SHROOM3: variants seen among roughly 807,000 people sequenced by gnomAD.
SHROOM3 encodes the protein protein Shroom3.
A neutral mutation model predicts 138.6 loss-of-function variants in SHROOM3; 47 were observed. The observed-to-expected ratio is 0.34, with a 90% CI of 0.27 to 0.43. The LOEUF (loss-of-function observed/expected upper bound fraction) is 0.43, where lower values mean the gene tolerates loss of function less well. Ranked by LOEUF, SHROOM3 falls within the 20% of genes least tolerant of loss-of-function variation. The probability of loss-of-function intolerance (pLI) is 1.00; values close to 1 mark genes in which losing one functional copy is unlikely to be tolerated. For synonymous variants in SHROOM3, 1,062 were observed against 1,063.3 expected, an observed-to-expected ratio of 1.00 and a Z score of 0.02; for missense variants, 2,491 against 2,596.5, an observed-to-expected ratio of 0.96 and a Z score of 0.88.
chr4:76,752,990 G>C (rs1721680153), intron 6 of SHROOM3, among the ~76,000 whole-genome samples: 1 of 152,220 alleles, frequency 6.6e-6, no homozygotes, highest in South Asian at 2.1e-4. Context: ...CTGGAGAGCA[G>C]CTGGGCAAAG....
chr4:76,579,597 G>T (rs1277333047), intron 2 of SHROOM3, among the ~76,000 whole-genome samples: 2 of 152,230 alleles, frequency 1.3e-5, no homozygotes, highest in African/African-American at 4.8e-5. Flanking sequence ...GAAGTCAGAC[G>T]ATCTGGCAGC....
At chr4:76,469,527 G>C (rs1366218143) in intron 1 of SHROOM3, among the ~76,000 whole-genome samples, 1 of 151,988 alleles carries the variant, frequency 6.6e-6, no homozygotes, top group African/African-American at 2.4e-5. Flanking sequence ...CGCAATCTCA[G>C]CTCACTGCAA....
chr4:76,592,714 T>C (rs1734299633), intron 2 of SHROOM3, among the ~76,000 whole-genome samples: 1 of 152,204 alleles, frequency 6.6e-6, no homozygotes, highest in Admixed American at 6.5e-5. Flanking sequence ...TTTTGAGACA[T>C]TTGCTTCCAA....
chr4:76,652,747 G>C (rs547514900), intron 2 of SHROOM3, among the ~76,000 whole-genome samples: 1 of 115,378 alleles, frequency 8.7e-6, no homozygotes, highest in African/African-American at 3.3e-5. Context: ...ATACACTTGA[G>C]TCTCCCTCTC....
At chr4:76,464,655 T>C (rs1417590872) in intron 1 of SHROOM3, among the ~76,000 whole-genome samples, 2 of 152,182 alleles carry the variant, frequency 1.3e-5, no homozygotes, top group African/African-American at 4.8e-5. Context: ...TGTTGGGGGA[T>C]GAACCTGATG....
At chr4:76,630,660 G>A (rs1204893236) in intron 2 of SHROOM3, among the ~76,000 whole-genome samples, 2 of 152,146 alleles carry the variant, frequency 1.3e-5, no homozygotes, top group East Asian at 1.9e-4. Context: ...TTCTTTTCCT[G>A]TTAGACTAGG....
At position 76,739,167 on chromosome 4, in the gene SHROOM3, G is replaced by C. The variant is rs756834979; in HGVS notation, c.994G>C (p.Gly332Arg). The change falls in exon 5 of 11, where the codon GGT (glycine) becomes CGT (arginine). Residue 332 changes from glycine (G) to arginine (R), a missense_variant. Physicochemically the swap from Gly to Arg is moderately radical, Grantham distance 125. Coordinates refer to ENST00000296043, the MANE Select transcript of SHROOM3 (RefSeq NM_020859.4). Reference protein sequence around the residue: ...EVNSSALLLQGREARASANGQ... With the variant: ...EVNSSALLLQRREARASANGQ... The stretch of plus-strand genomic sequence containing the variant: ...GAACTCTTCAGCCCTGCTGCTTCAA[G>C]GTAGGGAGGCCCGAGCCTCAGCAAA... 2 of 1,614,168 alleles carry C rather than the reference G, an allele frequency of 1.2e-6. No individual in the cohort carries two copies. Among genetic ancestry groups the C allele is most frequent in the Non-Finnish European group, 1.7e-6 (2 of 1,180,022 alleles).
chr4:76,622,111 G>T (rs150970585), intron 2 of SHROOM3, among the ~76,000 whole-genome samples: 1 of 152,014 alleles, frequency 6.6e-6, no homozygotes, highest in Non-Finnish European at 1.5e-5. Context: ...GATTGCGCAC[G>T]GCTGAATGTT....
chr4:76,469,241 AT>A (rs2109980712), intron 1 of SHROOM3, among the ~76,000 whole-genome samples: 1 of 152,260 alleles, frequency 6.6e-6, no homozygotes, highest in Admixed American at 6.5e-5. Flanking sequence ...AATTTTTAAA[AT>A]TAAGGAAATT....
intron 10 of SHROOM3, among the ~76,000 whole-genome samples, chr4:76,774,318 A>C (rs1325951106): frequency 6.6e-6 from 1 of 152,200 alleles, no homozygotes; most frequent in African/African-American, 2.4e-5. Flanking sequence ...TTGCTCACCC[A>C]AAAAATACTA....
chr4:76,692,266 A>T (rs1328794244), intron 2 of SHROOM3, among the ~76,000 whole-genome samples: 2 of 152,166 alleles, frequency 1.3e-5, no homozygotes, highest in Non-Finnish European at 2.9e-5. Context: ...CTGTTGTAAC[A>T]CCCAAAGAAG....
chr4:76,742,472 TG>T (rs1388534009), intron 5 of SHROOM3, among the ~76,000 whole-genome samples: 2 of 152,162 alleles, frequency 1.3e-5, no homozygotes, highest in African/African-American at 4.8e-5. Flanking sequence ...ATGATAATCC[TG>T]TGCAGCAGAG....
chr4:76,603,475 A>T (rs1734548606), intron 2 of SHROOM3, among the ~76,000 whole-genome samples: 1 of 152,178 alleles, frequency 6.6e-6, no homozygotes, highest in Admixed American at 6.5e-5. Flanking sequence ...CGTACTTTGC[A>T]ACTAACAGGA....
intron 2 of SHROOM3, among the ~76,000 whole-genome samples, chr4:76,700,791 T>C (rs556158170): frequency 3.7e-4 from 56 of 152,072 alleles, no homozygotes; most frequent in African/African-American, 1.3e-3. Context: ...ATTTATTTAT[T>C]TATTTTTGAG....
intron 4 of SHROOM3, among the ~76,000 whole-genome samples, chr4:76,734,096 T>C (rs1050130313): frequency 2.6e-5 from 4 of 152,182 alleles, no homozygotes; most frequent in African/African-American, 7.2e-5. Context: ...TCAACAAATC[T>C]GTATGAGCAT....
Position 76,616,063 on chromosome 4 carries a change from C to G in SHROOM3, c.323+60300C>G, listed in dbSNP as rs905238545. ...ACCAGTGGGTTAAAGTTAAGGGAAG[C>G]AGAAGTCAGTTTGACATTAGGTTTG... On this transcript the variant is annotated intron_variant, in intron 2 of 10. Coordinates refer to ENST00000296043, the MANE Select transcript of SHROOM3 (RefSeq NM_020859.4). Among the ~76,000 whole-genome samples, 7 of 152,028 alleles carry G rather than the reference C, an allele frequency of 4.6e-5. No individual in the cohort carries two copies. The East Asian group carries it at 5.8e-4, about 13-fold the overall frequency.
intron 2 of SHROOM3, among the ~76,000 whole-genome samples, chr4:76,658,568 C>A (rs550720239): frequency 6.6e-6 from 1 of 152,196 alleles, no homozygotes; most frequent in Admixed American, 6.5e-5. Context: ...GTCAAGTGAG[C>A]AATACAGAGC....
intron 2 of SHROOM3, chr4:76,586,908 C>T (rs1359275535): frequency 6.6e-6 from 1 of 152,188 alleles, no homozygotes; most frequent in Non-Finnish European, 1.5e-5. Context: ...CTATCTTTAA[C>T]TTTCTTATTT....
At chr4:76,699,869 A>G (rs1377029172) in intron 2 of SHROOM3, among the ~76,000 whole-genome samples, 2 of 152,122 alleles carry the variant, frequency 1.3e-5, no homozygotes, top group Non-Finnish European at 2.9e-5. Context: ...CTGATGCAGG[A>G]TGTTAGCCCT....
Sources: gnomAD v4.1 joint callset for allele counts (sites outside exome capture counted in the v4.1 genomes callset) on GRCh38, gnomAD v4.1.1 for gene constraint, MANE v1.5 for transcripts, NCBI Gene and HGNC (gene_info 2026-07-23, HGNC 2026-07-21) for gene names.